TMEM132B: variants seen among roughly 807,000 people sequenced by gnomAD.
TMEM132B encodes the protein transmembrane protein 132B.
Under a neutral mutation model 90.8 loss-of-function variants are expected in TMEM132B, and 18 were observed. The ratio of observed to expected loss-of-function variants is 0.20; its 90% CI spans 0.14 to 0.29. TMEM132B has a LOEUF of 0.29. Among genes scored for constraint, TMEM132B ranks in the 10% least tolerant of loss-of-function variants. The probability of loss-of-function intolerance (pLI) is 1.00; values close to 1 mark genes in which losing one functional copy is unlikely to be tolerated. For missense variants in TMEM132B, 1,096 were observed against 1,326.8 expected (o/e 0.83, Z 2.70); for synonymous variants, 504 against 523.3 (o/e 0.96, Z 0.50).
chr12:125,305,522 C>CA (rs2136168649), intron 1 of TMEM132B, among the ~76,000 whole-genome samples: 1 of 152,228 alleles, frequency 6.6e-6, no homozygotes, highest in East Asian at 1.9e-4. Flanking sequence ...AATTCCATGG[C>CA]ATCGCGGACA....
chr12:125,472,963 A>G (rs1022922478), intron 3 of TMEM132B, among the ~76,000 whole-genome samples: 1 of 152,230 alleles, frequency 6.6e-6, no homozygotes, highest in Non-Finnish European at 1.5e-5. Context: ...CTTGACATTC[A>G]GCTAAAAGAA....
chr12:125,300,049 G>A (rs1418215836), intron 1 of TMEM132B, among the ~76,000 whole-genome samples: 1 of 152,196 alleles, frequency 6.6e-6, no homozygotes, highest in East Asian at 1.9e-4. Context: ...GCCGCCACGG[G>A]GGCTTTGCAC....
chr12:125,512,681 T>C (rs1414159079), intron 3 of TMEM132B, among the ~76,000 whole-genome samples: 2 of 152,190 alleles, frequency 1.3e-5, no homozygotes. Context: ...CCTGTAGACC[T>C]TTGACTGCCA....
chr12:125,386,165 T>C (rs1878826993), intron 2 of TMEM132B, among the ~76,000 whole-genome samples: 1 of 152,150 alleles, frequency 6.6e-6, no homozygotes, highest in Non-Finnish European at 1.5e-5. Flanking sequence ...TTTTTGTATT[T>C]TTTATAGAGA....
At chr12:125,374,488 A>G (rs1878415290) in intron 2 of TMEM132B, among the ~76,000 whole-genome samples, 1 of 151,802 alleles carries the variant, frequency 6.6e-6, no homozygotes, top group African/African-American at 2.4e-5. Context: ...TTAACTAGTA[A>G]TTAGACAGTC....
At chr12:125,275,854 CAGGT>C (rs1422007796) in intron 1 of TMEM132B, among the ~76,000 whole-genome samples, 4 of 152,122 alleles carry the variant, frequency 2.6e-5, no homozygotes, top group Non-Finnish European at 5.9e-5. Context: ...GCTGGCACTA[CAGGT>C]ACATGCCACC....
chr12:125,354,422 C>T (rs999946754), intron 2 of TMEM132B, among the ~76,000 whole-genome samples: 1 of 152,160 alleles, frequency 6.6e-6, no homozygotes, highest in African/African-American at 2.4e-5. Flanking sequence ...TTGTAGTTCA[C>T]CCCCTTTAGC....
In TMEM132B at chr12:125,209,050, G is replaced by A. The variant is rs1392945726; in HGVS notation, c.67+22184G>A. On this transcript the variant is annotated intron_variant, in intron 1 of 8. Coordinates refer to ENST00000682704, the MANE Select transcript of TMEM132B (RefSeq NM_001366854.1). This position sits in a 1 kb window ranked among gnomAD's most constrained non-coding sequence, Gnocchi z 4.4. ...AGCCCGGGGTTATTGATTTACAGGAGGCAGATTATGTTTGGGAAATCAGAA... is the reference window on the plus strand; with the variant it reads ...AGCCCGGGGTTATTGATTTACAGGAAGCAGATTATGTTTGGGAAATCAGAA... Among the ~76,000 whole-genome samples the A allele has an allele frequency of 3.3e-5, 5 of 152,210 alleles. No homozygotes were observed. The highest frequency in any genetic ancestry group is 6.5e-5 in the Admixed American group (1 of 15,294).
intron 3 of TMEM132B, among the ~76,000 whole-genome samples, chr12:125,484,061 C>A (rs1482451316): frequency 6.6e-6 from 1 of 152,050 alleles, no homozygotes; most frequent in Non-Finnish European, 1.5e-5. Context: ...ACAACTTACC[C>A]CTCTTTTTTT....
At chr12:125,463,518 T>C (rs1264532141) in intron 3 of TMEM132B, among the ~76,000 whole-genome samples, 8 of 152,244 alleles carry the variant, frequency 5.3e-5, no homozygotes, top group Non-Finnish European at 8.8e-5. Context: ...CGATTGTGAT[T>C]GCCTGGACTG....
chr12:125,563,393 G>A (rs1884585676), intron 4 of TMEM132B, among the ~76,000 whole-genome samples: 1 of 151,962 alleles, frequency 6.6e-6, no homozygotes, highest in South Asian at 2.1e-4. Flanking sequence ...CGGATCACGA[G>A]GTCAAGAGAT....
intron 1 of TMEM132B, among the ~76,000 whole-genome samples, chr12:125,295,322 G>A (rs967048207): frequency 6.6e-6 from 1 of 152,188 alleles, no homozygotes; most frequent in South Asian, 2.1e-4. Flanking sequence ...AGATGTTCGA[G>A]GGAAGGTCTG....
At chr12:125,532,026 C>T (rs192671822) in intron 4 of TMEM132B, among the ~76,000 whole-genome samples, 153 of 152,258 alleles carry the variant, frequency 1.0e-3, no homozygotes, top group East Asian at 4.8e-3. Context: ...GCTGTTATGC[C>T]GTTTCCTAAC....
At chr12:125,503,068 C>T (rs765296102) in intron 3 of TMEM132B, among the ~76,000 whole-genome samples, 51 of 152,304 alleles carry the variant, frequency 3.3e-4, no homozygotes, top group South Asian at 6.2e-4. Context: ...TAGGGTGCAT[C>T]GGCTGTCCAA....
chr12:125,527,710 ACC>A (rs1883531636), intron 4 of TMEM132B, among the ~76,000 whole-genome samples: 1 of 144,876 alleles, frequency 6.9e-6, no homozygotes, highest in African/African-American at 2.8e-5. Flanking sequence ...CCTTCCATCC[ACC>A]CATCCACCCT....
chr12:125,588,045 T>A (rs1354099882), intron 5 of TMEM132B: 1 of 152,166 alleles, frequency 6.6e-6, no homozygotes, highest in Non-Finnish European at 1.5e-5. Context: ...AGCTTTGTGC[T>A]TTTTAGATTC....
chr12:125,381,284 A>G (rs1878672610), intron 2 of TMEM132B, among the ~76,000 whole-genome samples: 1 of 152,056 alleles, frequency 6.6e-6, no homozygotes. Context: ...CACAAAGCAG[A>G]CTCCTGACCA....
intron 3 of TMEM132B, among the ~76,000 whole-genome samples, chr12:125,451,891 A>G (rs1201497216): frequency 6.6e-6 from 1 of 152,206 alleles, no homozygotes; most frequent in Non-Finnish European, 1.5e-5. Flanking sequence ...ATGTTCAGGG[A>G]CTGACTGTCC....
chr12:125,584,923 A>G (rs969937399), intron 5 of TMEM132B: 5 of 152,232 alleles, frequency 3.3e-5, no homozygotes, highest in Non-Finnish European at 7.3e-5. Flanking sequence ...TTTTAGAAAA[A>G]TACAATAACT....
Sources: allele counts gnomAD v4.1 joint callset (sites outside exome capture counted in the v4.1 genomes callset), GRCh38; gene constraint gnomAD v4.1.1; non-coding constraint Gnocchi (gnomAD v3.1); transcripts MANE v1.5; gene names NCBI Gene and HGNC (gene_info 2026-07-23, HGNC 2026-07-21).